The following TOGARAM1 variants were observed in gnomAD, a reference collection of about 807,000 sequenced individuals.
The protein encoded by TOGARAM1 is TOG array regulator of axonemal microtubules 1, also known as TOG array regulator of axonemal microtubules protein 1.
In TOGARAM1, 100 loss-of-function variants were observed where a neutral mutation model predicts 166.6. The observed-to-expected ratio is 0.60, with a 90% confidence interval of 0.51 to 0.71. The LOEUF is 0.71. Ranked by LOEUF, TOGARAM1 falls within the 30% of genes least tolerant of loss-of-function variation. The pLI is 0.00. For missense variants in TOGARAM1, 2,029 were observed against 2,102.7 expected (o/e 0.96, Z 0.69); for synonymous variants, 758 against 763.8 (o/e 0.99, Z 0.13).
In TOGARAM1 at chr14:44,964,251, G is replaced by A; in HGVS notation, c.1830G>A (p.Thr610=). ...RSNHLAHGAD[T]DWLLAGNRTQ... ...ACCATTTGGCACATGGAGCAGATAC[G>A]GACTGGCTTTTGGCTGGTAACAGAA... Residue 610 remains threonine (T), a synonymous_variant, in exon 1 of 20, where the codon ACG becomes ACA. Coordinates refer to ENST00000361462, the MANE Select transcript of TOGARAM1 (RefSeq NM_001308120.2). 1.9e-6 allele frequency: 3 copies of A among 1,614,170 alleles called. No homozygotes were observed. The highest frequency in any genetic ancestry group is 1.1e-5 in the South Asian group (1 of 91,078).
intron 1 of TOGARAM1, among the ~76,000 whole-genome samples, chr14:44,991,201 T>C (rs563161849): frequency 5.7e-4 from 87 of 152,034 alleles, no homozygotes; most frequent in African/African-American, 1.3e-3. Flanking sequence ...CAAATAATCC[T>C]CCCACCTCCA....
chr14:45,054,324 T>G, intron 15 of TOGARAM1, 107 bp from the exon 16 acceptor site: 1 of 661,356 alleles, frequency 1.5e-6, no homozygotes, highest in Non-Finnish European at 2.5e-6. Context: ...TTAAAATACT[T>G]TCCATCTTAA....
intron 1 of TOGARAM1, among the ~76,000 whole-genome samples, chr14:44,969,110 T>TTCCTTCCTTCCTTCCTTCC (rs1885723888): frequency 7.2e-6 from 1 of 139,158 alleles, no homozygotes; most frequent in African/African-American, 2.9e-5. Flanking sequence ...TCTTTCTTTC[T>TTCCTTCCTTCCTTCCTTCC]TTCCTTCCTT....
chr14:45,046,580 A>G lies in TOGARAM1; in HGVS notation c.4190A>G (p.Gln1397Arg), dbSNP rs533833282. The change falls in exon 14 of 20, where the codon CAG (glutamine) becomes CGG (arginine). Residue 1397 changes from glutamine (Q) to arginine (R), a missense_variant. Physicochemically the swap from Gln to Arg is conservative, Grantham distance 43. Transcript: ENST00000361462. The stretch of plus-strand genomic sequence containing the variant: ...ATTGCTGTAAGAAGGTGTACAGCCC[A>G]GCATTTATCAGATGTATTGGAATTT... ...LHIAVRRCTAQHLSDVLEFME... is the reference protein window; with the variant it reads ...LHIAVRRCTARHLSDVLEFME... The G allele has an allele frequency of 7.3e-5, 101 of 1,384,350 alleles. No homozygotes were observed. In the African/African-American group the frequency reaches 1.0e-3, roughly 14 times the overall value. 85.8% of individuals were successfully genotyped at this position (1,384,350 alleles called of 1,614,324 possible).
intron 4 of TOGARAM1, among the ~76,000 whole-genome samples, chr14:45,005,392 A>T (rs991097796): frequency 1.3e-5 from 2 of 152,020 alleles, no homozygotes; most frequent in Non-Finnish European, 2.9e-5. Context: ...AGGTGGTTGG[A>T]TCCCTTGAGG....
rs1237156133 is a variant in TOGARAM1 at position 45,012,162 on chromosome 14, ATGT to A, written c.3238+94_3238+96del. ...TGATAGCAAGTGCATTTCAGATTTCATGTTGTTGTGCATACTGGTTAAGACTAA... is the reference window on the plus strand; with the variant it reads ...TGATAGCAAGTGCATTTCAGATTTCATGTTGTGCATACTGGTTAAGACTAA... On this transcript the variant is annotated intron_variant, in intron 7 of 19. Coordinates refer to ENST00000361462, the MANE Select transcript of TOGARAM1 (RefSeq NM_001308120.2). 1.6e-5 allele frequency: 14 copies of A among 875,070 alleles called. No individual in the cohort carries two copies. In the Admixed American group the frequency reaches 2.3e-4, roughly 14 times the overall value. The allele number at this position is 875,070 out of a possible 1,614,324, so 54.2% of individuals were successfully genotyped here.
intron 8 of TOGARAM1, among the ~76,000 whole-genome samples, chr14:45,026,467 G>T (rs1161217153): frequency 6.6e-6 from 1 of 152,012 alleles, no homozygotes; most frequent in Non-Finnish European, 1.5e-5. Context: ...GTCTCATTAG[G>T]TTATTTTAAA....
Position 45,071,707 on chromosome 14 carries a change from T to TTTAGACACATTTG in TOGARAM1, c.4972_4973insCATTTGTTAGACA. 1 of 1,602,360 alleles carries TTTAGACACATTTG rather than the reference T, an allele frequency of 6.2e-7. No individual in the cohort carries two copies. Among genetic ancestry groups the TTTAGACACATTTG allele is most frequent in the Non-Finnish European group, 8.5e-7 (1 of 1,173,430 alleles). On this transcript the variant is annotated splice_region_variant and splice_polypyrimidine_tract_variant and intron_variant, in intron 18 of 19. Coordinates refer to ENST00000361462, the MANE Select transcript of TOGARAM1 (RefSeq NM_001308120.2). ...AACATGTGTCTCTGTGTTCTTTTTG[T>TTTAGACACATTTG]TTAGACAATTACTTACTTCTACAGC...
chr14:44,981,711 A>C, intron 1 of TOGARAM1, among the ~76,000 whole-genome samples: 1 of 152,190 alleles, frequency 6.6e-6, no homozygotes, highest in East Asian at 1.9e-4. Flanking sequence ...TTGTATTTCA[A>C]AAAATTAATC....
intron 1 of TOGARAM1, among the ~76,000 whole-genome samples, chr14:44,994,405 C>T (rs1220120987): frequency 6.6e-6 from 1 of 152,042 alleles, no homozygotes; most frequent in South Asian, 2.1e-4. Flanking sequence ...AGGCATGAGC[C>T]ATCATGCCCA....
chr14:44,992,019 T>G (rs1887161424), intron 1 of TOGARAM1, among the ~76,000 whole-genome samples: 1 of 126,976 alleles, frequency 7.9e-6, no homozygotes. Context: ...GGCAAAACCC[T>G]TGAGCCCATG....
At chr14:44,981,858 T>C (rs968966874) in intron 1 of TOGARAM1, among the ~76,000 whole-genome samples, 1 of 150,024 alleles carries the variant, frequency 6.7e-6, no homozygotes. Context: ...TTTTTTTTTT[T>C]TTTGAGATGG....
Position 45,044,467 on chromosome 14 carries a change from G to C in TOGARAM1, c.3919-168G>C, listed in dbSNP as rs549116570. Among the ~76,000 whole-genome samples the C allele has an allele frequency of 2.0e-5, 3 of 151,940 alleles. No homozygotes were observed. In the East Asian group the frequency reaches 5.8e-4, roughly 30 times the overall value. On this transcript the variant is annotated intron_variant, in intron 12 of 19. Coordinates refer to ENST00000361462, the MANE Select transcript of TOGARAM1 (RefSeq NM_001308120.2). Reference sequence around the variant, plus strand: ...GAGGCAAGAGAATTGCTTGGACCTGGGAGGCAGAGGTTACAGTGAGCCGAA... The same window carrying C: ...GAGGCAAGAGAATTGCTTGGACCTGCGAGGCAGAGGTTACAGTGAGCCGAA...
At chr14:45,045,681 A>G (rs1472465709) in intron 13 of TOGARAM1, among the ~76,000 whole-genome samples, 1 of 98,248 alleles carries the variant, frequency 1.0e-5, no homozygotes, top group Non-Finnish European at 1.8e-5. Context: ...GTATATATAT[A>G]CACATATATA....
chr14:45,070,745 C>T (rs1883341818), intron 18 of TOGARAM1, among the ~76,000 whole-genome samples: 1 of 152,036 alleles, frequency 6.6e-6, no homozygotes, highest in South Asian at 2.1e-4. Context: ...TCCCCTAACC[C>T]CTGTGTTGTC....
At chr14:44,982,543 C>T (rs567403001) in intron 1 of TOGARAM1, among the ~76,000 whole-genome samples, 20 of 152,064 alleles carry the variant, frequency 1.3e-4, no homozygotes, top group African/African-American at 4.1e-4. Flanking sequence ...TATGTGGGCA[C>T]GAGGTCTGTA....
chr14:45,011,226 T>G (rs535745696), intron 6 of TOGARAM1, among the ~76,000 whole-genome samples: 2 of 152,340 alleles, frequency 1.3e-5, no homozygotes, highest in South Asian at 4.1e-4. Flanking sequence ...GATCTCTTAC[T>G]TATAATATAG....
At chr14:45,027,037 C>G (rs372700459) in intron 8 of TOGARAM1, among the ~76,000 whole-genome samples, 1 of 151,442 alleles carries the variant, frequency 6.6e-6, no homozygotes, top group African/African-American at 2.4e-5. Flanking sequence ...AAACAAAAAA[C>G]AGCTCACAGC....
intron 1 of TOGARAM1, among the ~76,000 whole-genome samples, chr14:44,979,640 C>T (rs1594616461): frequency 6.6e-6 from 1 of 152,220 alleles, no homozygotes; most frequent in Non-Finnish European, 1.5e-5. Flanking sequence ...TCCTTAAGGT[C>T]TCTTAGCTAG....
Sources: gnomAD v4.1 joint callset for allele counts (sites outside exome capture counted in the v4.1 genomes callset) on GRCh38, gnomAD v4.1.1 for gene constraint, MANE v1.5 for transcripts, NCBI Gene and HGNC (gene_info 2026-07-23, HGNC 2026-07-21) for gene names.